Variants in GGCX observed in about 807,000 individuals in gnomAD.
GGCX encodes the protein vitamin K-dependent gamma-carboxylase.
In GGCX, 63 loss-of-function variants were observed where a neutral mutation model predicts 88.5. The observed-to-expected ratio is 0.71, with a 90% CI of 0.58 to 0.88. GGCX has a LOEUF of 0.88. Among genes scored for constraint, GGCX ranks in the 40% least tolerant of loss-of-function variants. The pLI is 0.00. For synonymous variants in GGCX, 368 were observed against 365.8 expected (o/e 1.01, Z -0.07); for missense variants, 805 against 932.9 (o/e 0.86, Z 1.79).
chr2:85,549,651 G>A lies in GGCX; in HGVS notation c.*283C>T. ...GCTGGGATTACAGGCGTGAGCCACGGCACCCAGCCCCCAAAAAGCCACTTT... is the reference window on the plus strand; with the variant it reads ...GCTGGGATTACAGGCGTGAGCCACGACACCCAGCCCCCAAAAAGCCACTTT... On this transcript the variant is annotated 3_prime_UTR_variant, in exon 15 of 15. Transcript: ENST00000233838. The A allele has an allele frequency of 4.9e-6, 2 of 406,706 alleles. No homozygotes were observed. The highest frequency in any genetic ancestry group is 4.6e-6 in the Non-Finnish European group (1 of 217,966). The allele number at this position is 406,706 out of a possible 1,614,324, so 25.2% of individuals were successfully genotyped here.
Position 85,548,469 on chromosome 2 carries a change from G to C in GGCX, c.*1465C>G, listed in dbSNP as rs926600255. On this transcript the variant is annotated 3_prime_UTR_variant, in exon 15 of 15. Transcript: ENST00000233838. ...GTCTAGGGCACAGGAAAGAAACCTA[G>C]CATCGTTGGAAATCCTGGAGTAGAC... The C allele has an allele frequency of 6.6e-6, 1 of 152,234 alleles. No homozygotes were observed. The highest frequency in any genetic ancestry group is 2.4e-5 in the African/African-American group (1 of 41,432). 9.4% of individuals were successfully genotyped at this position (152,234 alleles called of 1,614,324 possible).
Position 85,560,383 on chromosome 2 carries a change from T to C in GGCX, c.214+432A>G, listed in dbSNP as rs186702617. Among the ~76,000 whole-genome samples, 714 of 152,178 alleles carry C rather than the reference T, an allele frequency of 4.7e-3. 2 individuals carry two copies. Among genetic ancestry groups the C allele is most frequent in the Admixed American group, 0.01 (155 of 15,276 alleles). On this transcript the variant is annotated intron_variant, in intron 2 of 14. Coordinates refer to ENST00000233838, the MANE Select transcript of GGCX (RefSeq NM_000821.7). Reference sequence around the variant, plus strand: ...AGGCGGATCACCTGAGGTCAGGAGTTTGAGACCAGCCTGGCCAACATGGTG... The same window carrying C: ...AGGCGGATCACCTGAGGTCAGGAGTCTGAGACCAGCCTGGCCAACATGGTG...
In GGCX at chr2:85,553,020, C is replaced by T; in HGVS notation, c.1206G>A (p.Met402Ile). The T allele has an allele frequency of 6.2e-7, 1 of 1,614,084 alleles. No homozygotes were observed. Among genetic ancestry groups the T allele is most frequent in the South Asian group, 1.1e-5 (1 of 91,070 alleles). ...CGTGCTGGTGGGAGCGGGAGTGCAC[C>T]ATCATGTCCCAGGAATAGCCATACA... ...NGLYGYSWDMMVHSRSHQHVK... is the reference protein window; with the variant it reads ...NGLYGYSWDMIVHSRSHQHVK... The change falls in exon 9 of 15, where the codon ATG (methionine) becomes ATA (isoleucine). Residue 402 changes from methionine to isoleucine, a missense_variant. By Grantham distance (10) the Met-to-Ile change is conservative. Transcript: ENST00000233838.
At chr2:85,555,435 T>C (rs1357079098) in intron 6 of GGCX, 49 bp downstream of exon 6, 1 of 937,514 alleles carries the variant, frequency 1.1e-6, no homozygotes, top group Non-Finnish European at 1.8e-6. Flanking sequence ...ATGAGTCACC[T>C]GCTCTGTACC....
intron 3 of GGCX, 87 bp from the exon 4 acceptor site, chr2:85,558,692 A>G: frequency 9.2e-7 from 1 of 1,087,472 alleles, no homozygotes; most frequent in South Asian, 1.2e-5. Flanking sequence ...GAATTAAGAA[A>G]AATCAAGCAT....
Position 85,546,884 on chromosome 2 carries a change from T to C in GGCX, c.*3050A>G, listed in dbSNP as rs1245176099. 2.6e-5 allele frequency: 4 copies of C among 152,240 alleles called. No homozygotes were observed. The highest frequency in any genetic ancestry group is 9.6e-5 in the African/African-American group (4 of 41,462). 9.4% of individuals were successfully genotyped at this position (152,240 alleles called of 1,614,324 possible). ...GCCAATACATTGCAGATAACCATAT[T>C]GGCTACATTAGGGGAATGAGCATGG... On this transcript the variant is annotated 3_prime_UTR_variant, in exon 15 of 15. Transcript: ENST00000233838.
chr2:85,552,039 C>A, intron 10 of GGCX, 58 bp from the exon 11 acceptor site: 4 of 1,247,924 alleles, frequency 3.2e-6, no homozygotes, highest in Non-Finnish European at 4.7e-6. Context: ...CCAGAACTTC[C>A]AGTTCTCTCC....
At chr2:85,559,869 C>T (rs943942819) in intron 2 of GGCX, among the ~76,000 whole-genome samples, 1 of 152,152 alleles carries the variant, frequency 6.6e-6, no homozygotes, top group African/African-American at 2.4e-5. Flanking sequence ...TGAGATAAAG[C>T]AGGGTTTCTC....
At chr2:85,559,673 C>A (rs577012920) in intron 2 of GGCX, among the ~76,000 whole-genome samples, 93 of 152,066 alleles carry the variant, frequency 6.1e-4, no homozygotes, top group Non-Finnish European at 1.0e-3. Context: ...CGAGATCACA[C>A]CATTGCACTC....
intron 7 of GGCX, 156 bp from the exon 8 acceptor site, chr2:85,553,653 G>A (rs1692080237): frequency 1.4e-6 from 1 of 709,022 alleles, no homozygotes; most frequent in Non-Finnish European, 2.4e-6. Context: ...AGGCTGGAGT[G>A]CAGTGGCGTG....
rs778709439 is a variant in GGCX at position 85,553,007 on chromosome 2, A to C, written c.1219T>G (p.Ser407Ala). The C allele has an allele frequency of 2.5e-6, 4 of 1,613,910 alleles. No homozygotes were observed. Among genetic ancestry groups the C allele is most frequent in the Non-Finnish European group, 3.4e-6 (4 of 1,179,924 alleles). ...YSWDMMVHSR[S>A]HQHVKITYRD... ...TAGGTGATCTTCACGTGCTGGTGGG[A>C]GCGGGAGTGCACCATCATGTCCCAG... Residue 407 changes from serine (S) to alanine (A), a missense_variant, in exon 9 of 15, where the codon TCC becomes GCC. Transcript: ENST00000233838.
intron 12 of GGCX, 91 bp downstream of exon 12, chr2:85,551,389 G>T: frequency 7.6e-7 from 1 of 1,312,640 alleles, no homozygotes; most frequent in Non-Finnish European, 1.1e-6. Context: ...TGAATTCCTG[G>T]CTTCCCACCT....
intron 14 of GGCX, 21 bp downstream of exon 14, chr2:85,550,534 C>A: frequency 6.3e-7 from 1 of 1,586,544 alleles, no homozygotes; most frequent in Non-Finnish European, 8.7e-7. Context: ...ATGGCAATGA[C>A]AAATATTGTT....
At chr2:85,557,275 A>G (rs923922193) in intron 4 of GGCX, among the ~76,000 whole-genome samples, 2 of 152,214 alleles carry the variant, frequency 1.3e-5, no homozygotes, top group Non-Finnish European at 2.9e-5. Flanking sequence ...AGTCATAAAA[A>G]TGGAACTTCT....
chr2:85,557,986 C>T (rs1254772825), intron 4 of GGCX, among the ~76,000 whole-genome samples: 2 of 152,196 alleles, frequency 1.3e-5, no homozygotes, highest in Non-Finnish European at 2.9e-5. Flanking sequence ...CCGAGAACAG[C>T]AATGCTGAGC....
At chr2:85,558,112 T>A (rs1216114961) in intron 4 of GGCX, among the ~76,000 whole-genome samples, 1 of 152,232 alleles carries the variant, frequency 6.6e-6, no homozygotes, top group Non-Finnish European at 1.5e-5. Context: ...CTCTTCTACA[T>A]AACCACCCTT....
chr2:85,554,454 T>TTTGTTGTTGTTGTTG lies in GGCX; in HGVS notation c.726-163_726-149dup, dbSNP rs60769490. On this transcript the variant is annotated intron_variant, in intron 6 of 14. Coordinates refer to ENST00000233838, the MANE Select transcript of GGCX (RefSeq NM_000821.7). ...CCCATGAAGACACTCCTCTAGGTTG[T>TTTGTTGTTGTTGTTG]TTGTTGTTGTTGTTGTTGTTGTTGT... The TTTGTTGTTGTTGTTG allele has an allele frequency of 9.3e-3, 6,001 of 645,626 alleles. 107 individuals are homozygous for TTTGTTGTTGTTGTTG. The highest frequency in any genetic ancestry group is 0.059 in the African/African-American group (3,173 of 53,552). 40.0% of individuals were successfully genotyped at this position (645,626 alleles called of 1,614,324 possible).
Position 85,551,498 on chromosome 2 carries a change from T to C in GGCX, c.1722A>G (p.Arg574=), listed in dbSNP as rs1691950832. The C allele has an allele frequency of 1.9e-6, 3 of 1,614,108 alleles. No individual in the cohort carries two copies. The highest frequency in any genetic ancestry group is 1.6e-4 in the Middle Eastern group (1 of 6,062). The change falls in exon 12 of 15, where the codon CGA becomes CGG. Residue 574 remains arginine (R), a synonymous_variant. Transcript: ENST00000233838. ...AAAATACCTGCATTTTTTCTCCCTC[T>C]CGAAGAGTCTGGTTCTTCTGTTCTG... ...LVAEQKNQTL[R]EGEKMQLPAG...
intron 7 of GGCX, 190 bp downstream of exon 7, chr2:85,553,953 G>T (rs904951995): frequency 3.3e-5 from 22 of 661,780 alleles, no homozygotes; most frequent in Non-Finnish European, 5.6e-5. Flanking sequence ...ATTCCCTACT[G>T]TACAACATAC....
Sources: gnomAD v4.1 joint callset for allele counts (sites outside exome capture counted in the v4.1 genomes callset) on GRCh38, gnomAD v4.1.1 for gene constraint, MANE v1.5 for transcripts, NCBI Gene and HGNC (gene_info 2026-07-23, HGNC 2026-07-21) for gene names.